The following ELAPOR2 variants were observed in gnomAD, a reference collection of about 807,000 sequenced individuals.
The protein encoded by ELAPOR2 is endosome-lysosome associated apoptosis and autophagy regulator family member 2.
In ELAPOR2, 89 loss-of-function variants were observed where a neutral mutation model predicts 120.7. The ratio of observed to expected loss-of-function variants is 0.74; its 90% CI spans 0.62 to 0.88. The LOEUF is 0.88. Ranked by LOEUF, ELAPOR2 falls within the 40% of genes least tolerant of loss-of-function variation. The pLI, the probability that ELAPOR2 is intolerant of heterozygous loss-of-function variation, is 0.00. For missense variants in ELAPOR2, 1,134 were observed against 1,251.6 expected, an observed-to-expected ratio of 0.91 and a Z score of 1.42; for synonymous variants, 444 against 444.9, an observed-to-expected ratio of 1.00 and a Z score of 0.03.
chr7:86,954,893 C>T (rs183000276), intron 2 of ELAPOR2, among the ~76,000 whole-genome samples: 8 of 152,150 alleles, frequency 5.3e-5, no homozygotes, highest in Admixed American at 1.3e-4. Context: ...CACGCTGATG[C>T]TCTTGCAACT....
intron 1 of ELAPOR2, among the ~76,000 whole-genome samples, chr7:87,009,051 T>A (rs1375378943): frequency 6.6e-6 from 1 of 152,114 alleles, no homozygotes; most frequent in Non-Finnish European, 1.5e-5. Context: ...CTGATGAATT[T>A]AAAAAAATTA....
intron 18 of ELAPOR2, among the ~76,000 whole-genome samples, chr7:86,899,200 G>A (rs1414980107): frequency 2.0e-5 from 3 of 152,072 alleles, no homozygotes; most frequent in African/African-American, 4.8e-5. Flanking sequence ...TTCTGGGACA[G>A]GTAAACATAG....
chr7:87,040,177 G>T (rs867003030), intron 1 of ELAPOR2, among the ~76,000 whole-genome samples: 1 of 152,116 alleles, frequency 6.6e-6, no homozygotes, highest in Non-Finnish European at 1.5e-5. Context: ...ACTGCAAGGC[G>T]GCAGCGAGGC....
At chr7:87,035,886 T>G (rs1010851919) in intron 1 of ELAPOR2, among the ~76,000 whole-genome samples, 1 of 152,272 alleles carries the variant, frequency 6.6e-6, no homozygotes, top group Non-Finnish European at 1.5e-5. Flanking sequence ...TCATTTTGAA[T>G]CCCAATTCTG....
At chr7:87,041,875 T>G (rs967574553) in intron 1 of ELAPOR2, among the ~76,000 whole-genome samples, 7 of 151,840 alleles carry the variant, frequency 4.6e-5, no homozygotes, top group South Asian at 4.1e-4. Flanking sequence ...CCATCTCACG[T>G]GCAGAGACAC....
chr7:86,893,741 T>C (rs1010375496), intron 19 of ELAPOR2, among the ~76,000 whole-genome samples: 8 of 152,050 alleles, frequency 5.3e-5, no homozygotes, highest in African/African-American at 1.7e-4. Context: ...CCTCCCGAAA[T>C]AGATGGCAAT....
At chr7:87,053,860 T>C (rs1301039448) in intron 1 of ELAPOR2, among the ~76,000 whole-genome samples, 1 of 152,110 alleles carries the variant, frequency 6.6e-6, no homozygotes, top group Non-Finnish European at 1.5e-5. Context: ...TAAACATCTT[T>C]TCCTGGTAAT....
chr7:86,973,130 T>C (rs573113702), intron 1 of ELAPOR2, among the ~76,000 whole-genome samples: 1 of 152,062 alleles, frequency 6.6e-6, no homozygotes, highest in Admixed American at 6.6e-5. Context: ...CCACACCTAC[T>C]ACACTCCACA....
At chr7:87,016,665 T>TTA (rs60187915) in intron 1 of ELAPOR2, among the ~76,000 whole-genome samples, 27,816 of 147,596 alleles carry the variant, frequency 0.19, 2,857 homozygotes, top group African/African-American at 0.26. Context: ...ATAGTAACTA[T>TTA]TATATATATA....
At chr7:87,059,289 C>A in intron 1 of ELAPOR2, 36 bp downstream of exon 1, 6 of 1,246,448 alleles carry the variant, frequency 4.8e-6, no homozygotes, top group Non-Finnish European at 6.1e-6. Context: ...CGCCCTCCCC[C>A]AGCAAACTCC....
At chr7:86,894,478 G>A (rs1262121725) in intron 19 of ELAPOR2, among the ~76,000 whole-genome samples, 1 of 151,868 alleles carries the variant, frequency 6.6e-6, no homozygotes, top group African/African-American at 2.4e-5. Context: ...TTTATCAAAT[G>A]TGCAATGCCC....
At chr7:87,047,312 C>T (rs2129016952) in intron 1 of ELAPOR2, among the ~76,000 whole-genome samples, 1 of 152,258 alleles carries the variant, frequency 6.6e-6, no homozygotes, top group South Asian at 2.1e-4. Flanking sequence ...GAAGCACAGA[C>T]AACCAAAGCA....
chr7:86,895,679 T>C (rs1788405535), intron 19 of ELAPOR2, among the ~76,000 whole-genome samples: 1 of 152,078 alleles, frequency 6.6e-6, no homozygotes, highest in Non-Finnish European at 1.5e-5. Context: ...GAAATAAAAT[T>C]AGAGAATTTG....
chr7:86,907,195 G>A (rs140697679), intron 18 of ELAPOR2, among the ~76,000 whole-genome samples: 69 of 152,062 alleles, frequency 4.5e-4, no homozygotes, highest in African/African-American at 1.6e-3. Context: ...ATAAACTGAA[G>A]AGCTAGAAAT....
chr7:86,971,087 T>C (rs762221959), intron 1 of ELAPOR2, among the ~76,000 whole-genome samples: 13 of 152,156 alleles, frequency 8.5e-5, no homozygotes, highest in Non-Finnish European at 1.8e-4. Context: ...CTATTTTCTT[T>C]CTATGGCTCT....
Position 86,879,686 on chromosome 7 carries a change from C to T in ELAPOR2, c.*785G>A, listed in dbSNP as rs1449411394. The T allele has an allele frequency of 6.6e-6, 1 of 152,154 alleles. No individual in the cohort carries two copies. Among genetic ancestry groups the T allele is most frequent in the Non-Finnish European group, 1.5e-5 (1 of 68,018 alleles). 9.4% of individuals were successfully genotyped at this position (152,154 alleles called of 1,614,324 possible). On this transcript the variant is annotated 3_prime_UTR_variant, in exon 22 of 22. Transcript: ENST00000450689. ...TACTTTAATTATACTTCTAGCACTA[C>T]ATAAACTGTTTTAAGTCATTTGACT...
At chr7:86,957,995 C>A (rs1791544405) in intron 2 of ELAPOR2, among the ~76,000 whole-genome samples, 1 of 152,026 alleles carries the variant, frequency 6.6e-6, no homozygotes, top group South Asian at 2.1e-4. Context: ...TTAAAAAGTC[C>A]ATTTATCTCT....
chr7:87,017,124 GAA>G (rs1793894424), intron 1 of ELAPOR2, among the ~76,000 whole-genome samples: 1 of 152,170 alleles, frequency 6.6e-6, no homozygotes, highest in Admixed American at 6.5e-5. Context: ...TATTAAATTT[GAA>G]AAGACATCCA....
intron 18 of ELAPOR2, among the ~76,000 whole-genome samples, chr7:86,907,275 C>T (rs563291951): frequency 6.6e-5 from 10 of 152,008 alleles, no homozygotes; most frequent in Non-Finnish European, 1.5e-4. Flanking sequence ...GGTTAGATTA[C>T]TTAATCTTGA....
Sources: gnomAD v4.1 joint callset for allele counts (sites outside exome capture counted in the v4.1 genomes callset) on GRCh38, gnomAD v4.1.1 for gene constraint, MANE v1.5 for transcripts, NCBI Gene and HGNC (gene_info 2026-07-23, HGNC 2026-07-21) for gene names.